Variants in HECTD4 observed in about 807,000 individuals in gnomAD.
HECTD4 encodes HECT domain E3 ubiquitin protein ligase 4.
In HECTD4, 114 loss-of-function variants were observed where a neutral mutation model predicts 471.5. The observed-to-expected ratio is 0.24, with a 90% CI of 0.21 to 0.28. The LOEUF is 0.28. Among genes scored for constraint, HECTD4 ranks in the 10% least tolerant of loss-of-function variants. The pLI is 1.00. For missense variants in HECTD4, 3,866 were observed against 5,651.5 expected, an observed-to-expected ratio of 0.68 and a Z score of 10.13; for synonymous variants, 2,012 against 2,256.0, an observed-to-expected ratio of 0.89 and a Z score of 3.07.
chr12:112,188,646 T>C lies in HECTD4; in HGVS notation c.9472+2140A>G, dbSNP rs2031967836. Reference sequence around the variant, plus strand: ...GCTCTTGTACAGGATAAAAGATTACTGGCCGGGGGAATCCCAAGGGCCTGC... The same window carrying C: ...GCTCTTGTACAGGATAAAAGATTACCGGCCGGGGGAATCCCAAGGGCCTGC... On this transcript the variant is annotated intron_variant, in intron 60 of 75. Coordinates refer to ENST00000682272, the MANE Select transcript of HECTD4 (RefSeq NM_001388303.1). This position sits in a 1 kb window ranked among gnomAD's most constrained non-coding sequence, Gnocchi z 4.2. 6.6e-6 allele frequency among the ~76,000 whole-genome samples: 1 copy of C among 152,264 alleles called. No individual in the cohort carries two copies. The highest frequency in any genetic ancestry group is 1.9e-4 in the East Asian group (1 of 5,204).
intron 1 of HECTD4, among the ~76,000 whole-genome samples, chr12:112,350,116 G>C (rs2036225171): frequency 1.3e-5 from 2 of 151,958 alleles, no homozygotes; most frequent in South Asian, 4.2e-4. Flanking sequence ...CACCATGCCT[G>C]GCTAATTAAT....
chr12:112,295,322 T>C (rs1365734645), intron 7 of HECTD4, among the ~76,000 whole-genome samples: 1 of 151,820 alleles, frequency 6.6e-6, no homozygotes, highest in Non-Finnish European at 1.5e-5. Context: ...TGGTCTTTTG[T>C]TTTATATAAA....
At position 112,193,446 on chromosome 12, in the gene HECTD4, G is replaced by T; in HGVS notation, c.8955+23C>A. 4 of 1,589,620 alleles carry T rather than the reference G, an allele frequency of 2.5e-6. No individual in the cohort carries two copies. The highest frequency in any genetic ancestry group is 4.5e-5 in the East Asian group (2 of 44,118). ...GTTAAAAATGGTAACCACACTGCAG[G>T]AACATGAGCTTTAGACTTCTACCTG... On this transcript the variant is annotated intron_variant, in intron 57 of 75. Coordinates refer to ENST00000682272, the MANE Select transcript of HECTD4 (RefSeq NM_001388303.1). The surrounding 1 kb of genome is among the most constrained non-coding windows in gnomAD (Gnocchi z 5.2).
intron 54 of HECTD4, chr12:112,201,003 C>T: frequency 3.4e-6 from 2 of 594,114 alleles, no homozygotes; most frequent in South Asian, 3.6e-5. Context: ...ATTTTTGAAA[C>T]ACATATTATA....
chr12:112,167,755 CA>C, intron 71 of HECTD4, 58 bp downstream of exon 71: 1 of 1,450,404 alleles, frequency 6.9e-7, no homozygotes, highest in Non-Finnish European at 9.7e-7. Context: ...CCCGCCACCC[CA>C]GCCACTGCGC....
chr12:112,203,573 T>G lies in HECTD4; in HGVS notation c.8406+63A>C, dbSNP rs2301712. Reference sequence around the variant, plus strand: ...AATCACTTTTTAAGGTACCTGGGAATCTGGGTATGACAGCCTCAGTATATA... The same window carrying G: ...AATCACTTTTTAAGGTACCTGGGAAGCTGGGTATGACAGCCTCAGTATATA... On this transcript the variant is annotated intron_variant, in intron 54 of 75. Coordinates refer to ENST00000682272, the MANE Select transcript of HECTD4 (RefSeq NM_001388303.1). 0.054 allele frequency: 72,567 copies of G among 1,353,478 alleles called. 10,925 individuals carry two copies. In the East Asian group the frequency reaches 0.64, roughly 12 times the overall value. 83.8% of individuals were successfully genotyped at this position (1,353,478 alleles called of 1,614,324 possible). A position where few individuals can be genotyped will look rare whatever the true frequency, so the allele number is the denominator to read the frequency against.
chr12:112,357,150 G>C (rs2036356389), intron 1 of HECTD4, among the ~76,000 whole-genome samples: 2 of 152,110 alleles, frequency 1.3e-5, no homozygotes, highest in African/African-American at 4.8e-5. Context: ...AGCCCCACAA[G>C]TTCTATGATC....
At chr12:112,258,052 G>A (rs182611077) in intron 20 of HECTD4, among the ~76,000 whole-genome samples, 1 of 152,240 alleles carries the variant, frequency 6.6e-6, no homozygotes, top group Admixed American at 6.5e-5. Flanking sequence ...AGCTGGGTGT[G>A]GTGGCGTACG....
intron 7 of HECTD4, among the ~76,000 whole-genome samples, chr12:112,292,759 A>C (rs1289408379): frequency 1.3e-5 from 2 of 152,218 alleles, no homozygotes; most frequent in Non-Finnish European, 2.9e-5. Context: ...GCGGTGGCTC[A>C]TGCCTGTAAT....
intron 1 of HECTD4, among the ~76,000 whole-genome samples, chr12:112,367,344 AAG>A (rs2036584085): frequency 6.8e-6 from 1 of 146,978 alleles, no homozygotes. Context: ...GAAAGAAAGA[AAG>A]AAAACAAAAC....
rs1369599642 is a variant in HECTD4, at chr12:112,194,180, G to A, written c.8750-506C>T. Among the ~76,000 whole-genome samples the A allele has an allele frequency of 6.6e-6, 1 of 152,240 alleles. No individual in the cohort carries two copies. The highest frequency in any genetic ancestry group is 2.4e-5 in the African/African-American group (1 of 41,478). On this transcript the variant is annotated intron_variant, in intron 56 of 75. Transcript: ENST00000682272. The surrounding 1 kb of genome is among the most constrained non-coding windows in gnomAD (Gnocchi z 4.6). Reference sequence around the variant, plus strand: ...GGCGCTCATATGGACCAGTAGCGATGTAGTGCACACATACCCTGGCTGGGT... The same window carrying A: ...GGCGCTCATATGGACCAGTAGCGATATAGTGCACACATACCCTGGCTGGGT...
intron 35 of HECTD4, among the ~76,000 whole-genome samples, chr12:112,236,675 G>T (rs909154378): frequency 1.3e-5 from 2 of 152,292 alleles, no homozygotes; most frequent in African/African-American, 4.8e-5. Context: ...GCATCTATGG[G>T]AAAGGTTAGC....
chr12:112,258,585 C>T lies in HECTD4; in HGVS notation c.3039G>A (p.Leu1013=), dbSNP rs1480079820. ...CAAAAACCGGACACTGGGTTTTAAG[C>T]AGCAACGCCGTCTGAAACACAAAAC... ...LVLYTSQTAL[L]LKTQCPVFAE... Residue 1013 remains leucine, a synonymous_variant, in exon 20 of 76, where the codon CTG becomes CTA. Transcript: ENST00000682272. 3 of 1,599,832 alleles carry T rather than the reference C, an allele frequency of 1.9e-6. No individual in the cohort carries two copies. In the East Asian group the frequency reaches 6.9e-5, roughly 37 times the overall value.
intron 7 of HECTD4, among the ~76,000 whole-genome samples, chr12:112,291,909 GGTTT>G (rs1486898300): frequency 3.9e-5 from 6 of 152,054 alleles, no homozygotes; most frequent in Non-Finnish European, 7.4e-5. Context: ...GTTGGCAATT[GGTTT>G]GTTTGATTCA....
chr12:112,208,759 T>A (rs890918867), intron 50 of HECTD4, 129 bp from the exon 51 acceptor site: 1 of 678,802 alleles, frequency 1.5e-6, no homozygotes, highest in East Asian at 3.1e-5. Context: ...CACTGAGGAA[T>A]GTTAAATCAC....
Position 112,314,512 on chromosome 12 carries a change from G to T in HECTD4, c.730C>A (p.Leu244Ile). ...SLKTFVHTVH[L>I]LQKQTDLGSL... ...CCTAGATCCGTCTGTTTCTGTAATA[G>T]ATGGACTGTGTGGACGAAAGTTTTC... is the stretch of plus-strand genomic sequence containing the variant. The change falls in exon 3 of 76, where the codon CTA (leucine) becomes ATA (isoleucine). Residue 244 changes from leucine to isoleucine, a missense_variant. Transcript: ENST00000682272. 6.5e-7 allele frequency: 1 copy of T among 1,531,104 alleles called. No homozygotes were observed. The highest frequency in any genetic ancestry group is 8.8e-7 in the Non-Finnish European group (1 of 1,142,372). The allele number at this position is 1,531,104 out of a possible 1,614,324, so 94.8% of individuals were successfully genotyped here.
chr12:112,332,471 G>A (rs2035860526), intron 1 of HECTD4, among the ~76,000 whole-genome samples: 1 of 150,666 alleles, frequency 6.6e-6, no homozygotes, highest in Non-Finnish European at 1.5e-5. Flanking sequence ...AACCCAGGAG[G>A]TGGAGGTTGC....
chr12:112,222,295 A>C (rs542670129), intron 44 of HECTD4, among the ~76,000 whole-genome samples: 1 of 152,042 alleles, frequency 6.6e-6, no homozygotes, highest in African/African-American at 2.4e-5. Flanking sequence ...GACCTCAGGT[A>C]ATCCACCTAC....
At chr12:112,262,169 A>G (rs1279012673) in intron 17 of HECTD4, 1 of 152,194 alleles carries the variant, frequency 6.6e-6, no homozygotes, top group Non-Finnish European at 1.5e-5. Flanking sequence ...AACTGAGCCT[A>G]TTCAGCCTTT....
Sources: gnomAD v4.1 joint callset for allele counts (sites outside exome capture counted in the v4.1 genomes callset) on GRCh38, gnomAD v4.1.1 for gene constraint, Gnocchi (gnomAD v3.1) non-coding constraint, MANE v1.5 for transcripts, NCBI Gene and HGNC (gene_info 2026-07-23, HGNC 2026-07-21) for gene names.